The following FHL5 variants were observed in gnomAD, a reference collection of about 807,000 sequenced individuals.
The protein encoded by FHL5 is four and a half LIM domains 5, also known as four and a half LIM domains protein 5.
A neutral mutation model predicts 32.0 loss-of-function variants in FHL5; 33 were observed. The observed-to-expected ratio is 1.03, with a 90% CI of 0.78 to 1.38. The LOEUF is 1.38. Among genes scored for constraint, FHL5 ranks in the 40% most tolerant of loss-of-function variants. FHL5 has a pLI of 0.00. For synonymous variants in FHL5, 114 were observed against 113.6 expected (o/e 1.00, Z -0.02); for missense variants, 336 against 343.9 (o/e 0.98, Z 0.18).
chr6:96,594,146 A>C (rs903678841), intron 1 of FHL5, among the ~76,000 whole-genome samples: 1 of 149,174 alleles, frequency 6.7e-6, no homozygotes, highest in African/African-American at 2.5e-5. Flanking sequence ...TTTGGAAGGA[A>C]ATGAACAGAA....
chr6:96,608,114 A>G (rs994285086), intron 4 of FHL5, among the ~76,000 whole-genome samples: 3 of 152,222 alleles, frequency 2.0e-5, no homozygotes, highest in Non-Finnish European at 4.4e-5. Context: ...TTTCTTAAAG[A>G]CAGACTAAAA....
rs1771540641 is a variant in FHL5, at chr6:96,617,205, T to C, written c.*1433T>C. Reference sequence around the variant, plus strand: ...TGCTCTCCATGATCTGTTTTCACATTGGTTATAGCATCTCTTGGATGGAGT... The same window carrying C: ...TGCTCTCCATGATCTGTTTTCACATCGGTTATAGCATCTCTTGGATGGAGT... On this transcript the variant is annotated 3_prime_UTR_variant, in exon 6 of 6. Coordinates refer to ENST00000450218, the MANE Select transcript of FHL5 (RefSeq NM_001322466.2). 1.3e-5 allele frequency among the ~76,000 whole-genome samples: 2 copies of C among 152,190 alleles called. No individual in the cohort carries two copies. The highest frequency in any genetic ancestry group is 2.9e-5 in the Non-Finnish European group (2 of 68,030).
In FHL5 at chr6:96,604,882, T is replaced by A; in HGVS notation, c.292T>A (p.Cys98Ser). The A allele has an allele frequency of 6.2e-7, 1 of 1,612,392 alleles. No individual in the cohort carries two copies. Among genetic ancestry groups the A allele is most frequent in the Non-Finnish European group, 8.5e-7 (1 of 1,179,174 alleles). The change falls in exon 3 of 6, where the codon TGC (cysteine) becomes AGC (serine). Residue 98 changes from cysteine (C) to serine (S), a missense_variant. By Grantham distance (112) the Cys-to-Ser change is moderately radical. Coordinates refer to ENST00000450218, the MANE Select transcript of FHL5 (RefSeq NM_001322466.2). The stretch of plus-strand genomic sequence containing the variant: ...GTGCACGGAGTGCTATTCTAACGAG[T>A]GCTCCTCCAAGTGCTTCCACTGCAA... ...LLCTECYSNE[C>S]SSKCFHCKRT... is the part of the protein sequence containing the mutation.
Position 96,563,342 on chromosome 6 carries a change from G to A in FHL5, c.-26G>A, listed in dbSNP as rs1287819461. On this transcript the variant is annotated 5_prime_UTR_variant, in exon 1 of 6. Transcript: ENST00000450218. ...TACTGTTTAAATCACAGGAAGAAGC[G>A]GCTTTAAGACAAAGTGAGTTCTTTC... 2.0e-5 allele frequency: 3 copies of A among 152,064 alleles called. No individual in the cohort carries two copies. The highest frequency in any genetic ancestry group is 2.9e-5 in the Non-Finnish European group (2 of 68,028). 9.4% of individuals were successfully genotyped at this position (152,064 alleles called of 1,614,324 possible).
chr6:96,569,371 G>A (rs548955878), intron 1 of FHL5, among the ~76,000 whole-genome samples: 4 of 152,078 alleles, frequency 2.6e-5, no homozygotes, highest in Admixed American at 2.0e-4. Context: ...GCTAAAGAAT[G>A]TTTCATTTTC....
chr6:96,605,035 T>C (rs1280821549), intron 3 of FHL5, 111 bp downstream of exon 3: 2 of 632,418 alleles, frequency 3.2e-6, no homozygotes, highest in African/African-American at 3.7e-5. Context: ...GAGAAAGATA[T>C]CTTTCTTACT....
chr6:96,589,815 C>A (rs894020138), intron 1 of FHL5, among the ~76,000 whole-genome samples: 2 of 151,972 alleles, frequency 1.3e-5, no homozygotes, highest in Non-Finnish European at 2.9e-5. Flanking sequence ...ACACTGAGAT[C>A]TATGGTTCAC....
rs540041802 is a variant in FHL5 at position 96,565,832 on chromosome 6, A to AT, written c.-13+2484dup. ...TGTCATAAGTCACATGACTTCTAAG[A>AT]TTTTTTTCTTCTTAAATTTTTTCTT... is the stretch of plus-strand genomic sequence containing the variant. On this transcript the variant is annotated intron_variant, in intron 1 of 5. Transcript: ENST00000450218. 6.6e-5 allele frequency among the ~76,000 whole-genome samples: 10 copies of AT among 151,956 alleles called. No individual in the cohort carries two copies. The East Asian group carries it at 1.4e-3, about 21-fold the overall frequency.
chr6:96,580,331 T>C (rs1770673501), intron 1 of FHL5, among the ~76,000 whole-genome samples: 4 of 152,166 alleles, frequency 2.6e-5, no homozygotes, highest in Non-Finnish European at 4.4e-5. Flanking sequence ...AATTGAAGTA[T>C]AGAAATGAGT....
chr6:96,606,816 AG>A (rs1400680607), intron 4 of FHL5, among the ~76,000 whole-genome samples: 1 of 152,216 alleles, frequency 6.6e-6, no homozygotes, highest in Non-Finnish European at 1.5e-5. Flanking sequence ...CAAGTTAAAC[AG>A]GATGTTTAAC....
intron 1 of FHL5, among the ~76,000 whole-genome samples, chr6:96,585,049 A>G (rs1023685740): frequency 1.3e-5 from 2 of 152,188 alleles, no homozygotes; most frequent in Non-Finnish European, 2.9e-5. Flanking sequence ...CTGACTGTCC[A>G]TCAGTCACCT....
intron 1 of FHL5, among the ~76,000 whole-genome samples, chr6:96,570,343 A>G (rs937290248): frequency 6.6e-6 from 1 of 152,086 alleles, no homozygotes; most frequent in Non-Finnish European, 1.5e-5. Flanking sequence ...AGCAAAATTT[A>G]CTAGTCTAAT....
intron 1 of FHL5, among the ~76,000 whole-genome samples, chr6:96,596,042 G>A (rs1190428363): frequency 6.6e-6 from 1 of 151,654 alleles, no homozygotes; most frequent in East Asian, 1.9e-4. Context: ...CTAGGATGAT[G>A]GGACATTCTT....
chr6:96,584,504 G>A (rs953099378), intron 1 of FHL5, among the ~76,000 whole-genome samples: 1 of 150,984 alleles, frequency 6.6e-6, no homozygotes, highest in Non-Finnish European at 1.5e-5. Context: ...AGTCTGGGGT[G>A]GGGAAAGGGC....
intron 1 of FHL5, among the ~76,000 whole-genome samples, chr6:96,564,561 G>A (rs1770313246): frequency 6.6e-6 from 1 of 152,054 alleles, no homozygotes; most frequent in South Asian, 2.1e-4. Flanking sequence ...AACATTTTGA[G>A]TAAAGCTGAA....
chr6:96,569,768 T>C (rs1053682602), intron 1 of FHL5, among the ~76,000 whole-genome samples: 17 of 151,934 alleles, frequency 1.1e-4, no homozygotes, highest in African/African-American at 4.1e-4. Flanking sequence ...CCCTTATTTT[T>C]ATTCTATATG....
At chr6:96,610,462 T>C in intron 4 of FHL5, 110 bp from the exon 5 acceptor site, 1 of 781,824 alleles carries the variant, frequency 1.3e-6, no homozygotes, top group Admixed American at 2.3e-5. Flanking sequence ...CTTTTTTTTT[T>C]CTTTTTGCTT....
At chr6:96,589,975 A>G (rs973136551) in intron 1 of FHL5, among the ~76,000 whole-genome samples, 5 of 152,056 alleles carry the variant, frequency 3.3e-5, no homozygotes, top group African/African-American at 4.8e-5. Context: ...CATGTGTTAT[A>G]TATGTATAGA....
In FHL5 at chr6:96,589,011, A is replaced by T. The variant is rs529681248; in HGVS notation, c.-12-14591A>T. 5.9e-5 allele frequency among the ~76,000 whole-genome samples: 9 copies of T among 152,228 alleles called. No homozygotes were observed. In the South Asian group the frequency reaches 1.7e-3, roughly 28 times the overall value. On this transcript the variant is annotated intron_variant, in intron 1 of 5. Transcript: ENST00000450218. The stretch of plus-strand genomic sequence containing the variant: ...TTTTAAAGACTTGCCTTTCATATTG[A>T]TGATGGAATTGTTTTGAGTATGGTA...
Sources: allele counts gnomAD v4.1 joint callset (sites outside exome capture counted in the v4.1 genomes callset), GRCh38; gene constraint gnomAD v4.1.1; transcripts MANE v1.5; gene names NCBI Gene and HGNC (gene_info 2026-07-23, HGNC 2026-07-21).